WWOX: variants seen among roughly 807,000 people sequenced by gnomAD.
WWOX encodes WW domain containing oxidoreductase.
WWOX carries 69 observed loss-of-function variants against 46.2 expected under a neutral mutation model. That is an observed-to-expected ratio of 1.49 (90% confidence interval 1.23 to 1.82). The LOEUF is 1.82. Ranked by LOEUF, WWOX falls within the 40% of genes most tolerant of loss-of-function variation. The probability of loss-of-function intolerance (pLI) is 0.00; values close to 1 mark genes in which losing one functional copy is unlikely to be tolerated. For missense variants in WWOX, 919 were observed against 542.6 expected, an observed-to-expected ratio of 1.69 and a Z score of -6.89; for synonymous variants, 359 against 202.6, an observed-to-expected ratio of 1.77 and a Z score of -6.56.
At chr16:78,518,215 T>A (rs1029782992) in intron 8 of WWOX, among the ~76,000 whole-genome samples, 1 of 152,094 alleles carries the variant, frequency 6.6e-6, no homozygotes, top group Admixed American at 6.6e-5. Flanking sequence ...TTGTTATTAT[T>A]ATTATTAATG....
chr16:78,868,828 C>G lies in WWOX; in HGVS notation c.1057-342780C>G, dbSNP rs146012412. Among the ~76,000 whole-genome samples, 29 of 152,284 alleles carry G rather than the reference C, an allele frequency of 1.9e-4. No homozygotes were observed. In the East Asian group the frequency reaches 5.6e-3, roughly 29 times the overall value. ...CTGGCAGGAGAGGAAAGACCTGCAG[C>G]TCTTCTAGTCCTTATGCTATCTCAT... On this transcript the variant is annotated intron_variant, in intron 8 of 8. Transcript: ENST00000566780.
chr16:78,659,339 G>A (rs2047157686), intron 8 of WWOX, among the ~76,000 whole-genome samples: 1 of 151,864 alleles, frequency 6.6e-6, no homozygotes, highest in African/African-American at 2.4e-5. Context: ...TCGCGCCTGG[G>A]GTTCTCAAAG....
intron 8 of WWOX, among the ~76,000 whole-genome samples, chr16:78,657,958 G>T (rs1276001313): frequency 1.3e-5 from 2 of 152,038 alleles, no homozygotes; most frequent in Admixed American, 6.6e-5. Context: ...TTGGGAAGTG[G>T]ACTCAGAGGC....
At chr16:79,101,377 G>C (rs576873556) in intron 8 of WWOX, 22 of 152,272 alleles carry the variant, frequency 1.4e-4, no homozygotes, top group African/African-American at 4.1e-4. Context: ...AACACGTCAG[G>C]TAAGGTGGAA....
At chr16:78,138,448 G>A (rs1430022354) in intron 4 of WWOX, among the ~76,000 whole-genome samples, 1 of 152,138 alleles carries the variant, frequency 6.6e-6, no homozygotes, top group Non-Finnish European at 1.5e-5. Flanking sequence ...GGGAAAGGAG[G>A]ACAGGAGTGA....
intron 5 of WWOX, among the ~76,000 whole-genome samples, chr16:78,191,255 C>G (rs2035874704): frequency 6.6e-6 from 1 of 152,182 alleles, no homozygotes; most frequent in African/African-American, 2.4e-5. Context: ...AGCTCCTCCA[C>G]CTGGGCACCC....
chr16:78,577,599 C>T (rs942645123), intron 8 of WWOX, among the ~76,000 whole-genome samples: 1 of 152,164 alleles, frequency 6.6e-6, no homozygotes, highest in Non-Finnish European at 1.5e-5. Context: ...TTTACTTATG[C>T]TTTCTGGGCT....
intron 8 of WWOX, among the ~76,000 whole-genome samples, chr16:78,670,669 TA>T (rs965113264): frequency 1.1e-3 from 172 of 151,902 alleles, no homozygotes; most frequent in Admixed American, 2.2e-3. Flanking sequence ...CCTTTTTAAT[TA>T]AAAAAAAATT....
intron 6 of WWOX, 108 bp from the exon 7 acceptor site, chr16:78,424,762 C>G: frequency 8.1e-7 from 1 of 1,235,398 alleles, no homozygotes; most frequent in Non-Finnish European, 1.2e-6. Context: ...CATGGATTAT[C>G]CTTGGTTGTA....
At chr16:79,050,482 C>G (rs183472652) in intron 8 of WWOX, among the ~76,000 whole-genome samples, 7 of 152,314 alleles carry the variant, frequency 4.6e-5, no homozygotes, top group African/African-American at 1.4e-4. Flanking sequence ...CATACCCATT[C>G]CTCTGTCACA....
Position 79,128,155 on chromosome 16 carries a change from A to G in WWOX, c.1057-83453A>G, listed in dbSNP as rs146160442. ...GAAGAAGAGATTTAAGAAGAAGACAATGGCTGTGGTTTGATGAAGATAAAA... is the reference window on the plus strand; with the variant it reads ...GAAGAAGAGATTTAAGAAGAAGACAGTGGCTGTGGTTTGATGAAGATAAAA... On this transcript the variant is annotated intron_variant, in intron 8 of 8. Coordinates refer to ENST00000566780, the MANE Select transcript of WWOX (RefSeq NM_016373.4). Among the ~76,000 whole-genome samples the G allele has an allele frequency of 3.4e-3, 522 of 152,184 alleles. 5 individuals carry two copies. The highest frequency in any genetic ancestry group is 0.012 in the African/African-American group (503 of 41,532).
intron 8 of WWOX, among the ~76,000 whole-genome samples, chr16:79,159,010 C>G (rs2050434917): frequency 6.6e-6 from 1 of 152,178 alleles, no homozygotes; most frequent in African/African-American, 2.4e-5. Flanking sequence ...GCAGCCAACT[C>G]AAGAACAATT....
At chr16:78,923,232 C>A (rs780260457) in intron 8 of WWOX, among the ~76,000 whole-genome samples, 7 of 151,754 alleles carry the variant, frequency 4.6e-5, no homozygotes, top group Admixed American at 1.3e-4. Context: ...CTGCGTAACT[C>A]GGCCTCCCAA....
chr16:78,731,852 T>TC (rs2048977580), intron 8 of WWOX, among the ~76,000 whole-genome samples: 4 of 135,170 alleles, frequency 3.0e-5, no homozygotes, highest in Non-Finnish European at 6.1e-5. Flanking sequence ...TCTCTTTTTT[T>TC]TTTTTTTTTT....
chr16:79,048,987 A>T (rs1222371324), intron 8 of WWOX, among the ~76,000 whole-genome samples: 1 of 152,210 alleles, frequency 6.6e-6, no homozygotes, highest in Non-Finnish European at 1.5e-5. Context: ...TTCCCTGGAC[A>T]AATATGCAAT....
intron 8 of WWOX, among the ~76,000 whole-genome samples, chr16:79,127,816 G>A (rs112866812): frequency 2.6e-5 from 4 of 152,322 alleles, no homozygotes; most frequent in African/African-American, 9.6e-5. Context: ...ATGTGGATGG[G>A]AAGGTGCAAG....
rs151269722 is a variant in WWOX, at chr16:78,603,103, C to G, written c.1056+170351C>G. ...ATGTTTTATTTGTTTATTTATTTTT[C>G]CTTCTTGCGTTGCTCTTAAGCCCCC... On this transcript the variant is annotated intron_variant, in intron 8 of 8. Coordinates refer to ENST00000566780, the MANE Select transcript of WWOX (RefSeq NM_016373.4). Among the ~76,000 whole-genome samples the G allele has an allele frequency of 7.7e-3, 1,167 of 152,276 alleles. 11 individuals are homozygous for G. The highest frequency in any genetic ancestry group is 0.027 in the African/African-American group (1,125 of 41,544).
In WWOX at chr16:78,847,906, G is replaced by A. The variant is rs186303319; in HGVS notation, c.1057-363702G>A. ...AAGCGGTCAGATACTGGGACTTTCTGTTTCGTTGCTTACAACCCTGTGACC... is the reference window on the plus strand; with the variant it reads ...AAGCGGTCAGATACTGGGACTTTCTATTTCGTTGCTTACAACCCTGTGACC... On this transcript the variant is annotated intron_variant, in intron 8 of 8. Coordinates refer to ENST00000566780, the MANE Select transcript of WWOX (RefSeq NM_016373.4). 3.9e-5 allele frequency among the ~76,000 whole-genome samples: 6 copies of A among 152,322 alleles called. No individual in the cohort carries two copies. In the East Asian group the frequency reaches 1.2e-3, roughly 29 times the overall value.
chr16:78,697,005 C>A (rs1267265257), intron 8 of WWOX, among the ~76,000 whole-genome samples: 1 of 152,206 alleles, frequency 6.6e-6, no homozygotes, highest in Non-Finnish European at 1.5e-5. Flanking sequence ...CATTCCTTTT[C>A]ATGGCTGAGT....
Sources: gnomAD v4.1 joint callset for allele counts (sites outside exome capture counted in the v4.1 genomes callset) on GRCh38, gnomAD v4.1.1 for gene constraint, MANE v1.5 for transcripts, NCBI Gene and HGNC (gene_info 2026-07-23, HGNC 2026-07-21) for gene names.